Variants in LYRM9 observed in about 807,000 individuals in gnomAD.
The protein encoded by LYRM9 is LYR motif containing 9.
A neutral mutation model predicts 12.6 loss-of-function variants in LYRM9; 14 were observed. The ratio of observed to expected loss-of-function variants is 1.11; its 90% confidence interval spans 0.73 to 1.73. LYRM9 has a LOEUF of 1.73. LYRM9 is among the 40% of genes most tolerant of loss of function. LYRM9 has a pLI of 0.00. For synonymous variants in LYRM9, 42 were observed against 35.1 expected (o/e 1.20, Z -0.69); for missense variants, 94 against 95.0 (o/e 0.99, Z 0.04).
chr17:27,879,925 C>T (rs1904986763), intron 3 of LYRM9: 3 of 597,924 alleles, frequency 5.0e-6, no homozygotes, highest in Non-Finnish European at 8.9e-6. Context: ...GGGAGTCCCC[C>T]GCCAGGACAG....
Position 27,886,752 on chromosome 17 carries a change from TCTC to T in LYRM9, c.-18-4043_-18-4041del, listed in dbSNP as rs1905246742. Reference sequence around the variant, plus strand: ...CCTCCGCCTCCTGGGTTTAAGCAATTCTCCTGCCTCAGCCTCCTGAGTAGCTGG... The same window carrying T: ...CCTCCGCCTCCTGGGTTTAAGCAATTCTGCCTCAGCCTCCTGAGTAGCTGG... On this transcript the variant is annotated intron_variant, in intron 1 of 3. Transcript: ENST00000379102. This position sits in a 1 kb window ranked among gnomAD's most constrained non-coding sequence, Gnocchi z 4.8. 6.6e-6 allele frequency among the ~76,000 whole-genome samples: 1 copy of T among 151,846 alleles called. No individual in the cohort carries two copies. The highest frequency in any genetic ancestry group is 1.5e-5 in the Non-Finnish European group (1 of 67,966).
At position 27,881,542 on chromosome 17, in the gene LYRM9, G is replaced by T. The variant is rs569975546; in HGVS notation, c.126+1027C>A. 9.8e-4 allele frequency among the ~76,000 whole-genome samples: 148 copies of T among 151,590 alleles called. 1 individual carries two copies. Among genetic ancestry groups the T allele is most frequent in the Admixed American group, 5.5e-3 (84 of 15,206 alleles). ...CAGAAAGTTGTGATAATAATACAAA[G>T]AATTTCCTACCAGAATCACTGACTG... On this transcript the variant is annotated intron_variant, in intron 2 of 3. Transcript: ENST00000379102.
chr17:27,892,749 TAAA>T (rs1331544301), intron 1 of LYRM9: 2 of 226,424 alleles, frequency 8.8e-6, no homozygotes, highest in South Asian at 1.1e-4. Flanking sequence ...GCAAACACAC[TAAA>T]AGACACTGAA....
chr17:27,888,390 C>T (rs1321160230), intron 1 of LYRM9, among the ~76,000 whole-genome samples: 1 of 152,198 alleles, frequency 6.6e-6, no homozygotes, highest in East Asian at 1.9e-4. Context: ...CCCTCAGGCC[C>T]CACCAGCCAT....
In LYRM9 at chr17:27,886,680, G is replaced by A. The variant is rs531207397; in HGVS notation, c.-18-3968C>T. Among the ~76,000 whole-genome samples the A allele has an allele frequency of 4.4e-4, 62 of 142,124 alleles. No individual in the cohort carries two copies. In the East Asian group the frequency reaches 1.0e-2, roughly 23 times the overall value. The allele number at this position is 142,124 out of a possible 152,430, so 93.2% of individuals were successfully genotyped here. A position where few individuals can be genotyped will look rare whatever the true frequency, so the allele number is the denominator to read the frequency against. On this transcript the variant is annotated intron_variant, in intron 1 of 3. Transcript: ENST00000379102. The surrounding 1 kb of genome is among the most constrained non-coding windows in gnomAD (Gnocchi z 4.8). ...TTTTTTTTTTTTGAGACAGAGTTTC[G>A]CTCTTGTTGCCCAGGCTGGAGTGCA...
chr17:27,881,084 A>G (rs1001167294), intron 2 of LYRM9: 1 of 152,066 alleles, frequency 6.6e-6, no homozygotes, highest in African/African-American at 2.4e-5. Flanking sequence ...CTAAAAATAC[A>G]AAGTTAGTCG....
intron 1 of LYRM9, among the ~76,000 whole-genome samples, chr17:27,885,397 T>C (rs777373499): frequency 3.3e-5 from 5 of 151,818 alleles, no homozygotes; most frequent in Admixed American, 6.6e-5. Flanking sequence ...GCTGAGACCC[T>C]GAGAAAAAAA....
At chr17:27,882,778 G>A in intron 1 of LYRM9, 66 bp from the exon 2 acceptor site, 1 of 1,473,922 alleles carries the variant, frequency 6.8e-7, no homozygotes, top group Non-Finnish European at 9.1e-7. Context: ...CTGACCCCCA[G>A]TTCCCAGTAC....
At chr17:27,884,715 T>C (rs1425744861) in intron 1 of LYRM9, among the ~76,000 whole-genome samples, 1 of 152,176 alleles carries the variant, frequency 6.6e-6, no homozygotes, top group Non-Finnish European at 1.5e-5. Flanking sequence ...TCACTCACTG[T>C]TAACTAAACA....
chr17:27,890,434 C>A (rs1305008314), intron 1 of LYRM9, among the ~76,000 whole-genome samples: 1 of 152,048 alleles, frequency 6.6e-6, no homozygotes, highest in African/African-American at 2.4e-5. Context: ...AGGCTGACAT[C>A]AATTACACAG....
chr17:27,888,370 T>C (rs188570521), intron 1 of LYRM9, among the ~76,000 whole-genome samples: 1 of 152,308 alleles, frequency 6.6e-6, no homozygotes, highest in East Asian at 1.9e-4. Flanking sequence ...GCTGGAAGGG[T>C]ATCCACCTGC....
chr17:27,882,236 T>C (rs1281729864), intron 2 of LYRM9, among the ~76,000 whole-genome samples: 1 of 152,182 alleles, frequency 6.6e-6, no homozygotes, highest in African/African-American at 2.4e-5. Context: ...CTCGATTTGG[T>C]TTTACCTGAT....
intron 1 of LYRM9, among the ~76,000 whole-genome samples, chr17:27,888,818 GAAA>G (rs1457732697): frequency 6.6e-6 from 1 of 152,124 alleles, no homozygotes; most frequent in Non-Finnish European, 1.5e-5. Flanking sequence ...CAAGTGGCAG[GAAA>G]CTCACAAGTC....
chr17:27,880,200 G>T, intron 3 of LYRM9, 74 bp downstream of exon 3: 1 of 1,146,988 alleles, frequency 8.7e-7, no homozygotes. Flanking sequence ...GGCAGGAGTG[G>T]CCTCTAGTGG....
Position 27,886,499 on chromosome 17 carries a change from G to T in LYRM9, c.-18-3787C>A, listed in dbSNP as rs1266615203. On this transcript the variant is annotated intron_variant, in intron 1 of 3. Transcript: ENST00000379102. The surrounding 1 kb of genome is among the most constrained non-coding windows in gnomAD (Gnocchi z 4.8). ...CTTGCCTCCCTTGCCCTGCCCTTTG[G>T]ACTTGATCTTGGCCTCTGCATCCTG... 6.6e-6 allele frequency among the ~76,000 whole-genome samples: 1 copy of T among 152,158 alleles called. No homozygotes were observed. Among genetic ancestry groups the T allele is most frequent in the Non-Finnish European group, 1.5e-5 (1 of 68,042 alleles).
intron 2 of LYRM9, among the ~76,000 whole-genome samples, chr17:27,881,437 A>ATT (rs576292228): frequency 1.5e-5 from 2 of 133,872 alleles, no homozygotes; most frequent in Non-Finnish European, 3.2e-5. Context: ...GCCACCTCTG[A>ATT]TTTTTTTTTT....
intron 1 of LYRM9, among the ~76,000 whole-genome samples, chr17:27,889,230 GCTT>G (rs1187395521): frequency 6.6e-6 from 1 of 152,154 alleles, no homozygotes; most frequent in Non-Finnish European, 1.5e-5. Context: ...AGCTCAGACT[GCTT>G]CTCTGCTGGG....
chr17:27,879,869 T>C, intron 3 of LYRM9: 1 of 576,136 alleles, frequency 1.7e-6, no homozygotes, highest in Non-Finnish European at 3.1e-6. Flanking sequence ...ACATACTGAA[T>C]GTTTCCTCCA....
At chr17:27,885,022 C>T (rs1327644062) in intron 1 of LYRM9, among the ~76,000 whole-genome samples, 1 of 152,166 alleles carries the variant, frequency 6.6e-6, no homozygotes, top group African/African-American at 2.4e-5. Flanking sequence ...CTCCTGGTTC[C>T]CTGGATTCTT....
Sources: allele counts gnomAD v4.1 joint callset (sites outside exome capture counted in the v4.1 genomes callset), GRCh38; gene constraint gnomAD v4.1.1; non-coding constraint Gnocchi (gnomAD v3.1); transcripts MANE v1.5; gene names NCBI Gene and HGNC (gene_info 2026-07-23, HGNC 2026-07-21).